ITPR2: variants seen among roughly 807,000 people sequenced by gnomAD.
ITPR2 encodes the protein inositol 1,4,5-trisphosphate-gated calcium channel ITPR2.
Under a neutral mutation model 317.1 loss-of-function variants are expected in ITPR2, and 207 were observed. The observed-to-expected ratio is 0.65, with a 90% CI of 0.58 to 0.73. The LOEUF is 0.73. Among genes scored for constraint, ITPR2 ranks in the 30% least tolerant of loss-of-function variants. The pLI, the probability that ITPR2 is intolerant of heterozygous loss-of-function variation, is 0.00. For missense variants in ITPR2, 2,613 were observed against 3,284.0 expected (o/e 0.80, Z 4.99); for synonymous variants, 1,156 against 1,149.1 (o/e 1.01, Z -0.12).
rs1942662216 is a variant in ITPR2, at chr12:26,486,248, T to C, written c.5667A>G (p.Ile1889Met). 6.2e-7 allele frequency: 1 copy of C among 1,614,202 alleles called. No individual in the cohort carries two copies. The highest frequency in any genetic ancestry group is 8.5e-7 in the Non-Finnish European group (1 of 1,180,024). The part of the protein sequence containing the change: ...CVYRREMDPE[I>M]DIMCTGPEAG... ...CTTCTGGTCCTGTGCACATAATGTC[T>C]ATTTCTGGATCCATTTCTCTTCTGT... is the stretch of plus-strand genomic sequence containing the variant. The change falls in exon 41 of 57, where the codon ATA (isoleucine) becomes ATG (methionine). Residue 1889 changes from isoleucine (I) to methionine (M), a missense_variant. By Grantham distance (10) the Ile-to-Met change is conservative (BLOSUM62 1). Transcript: ENST00000381340.
rs972999972 is a variant in ITPR2, at chr12:26,629,819, C to A, written c.2935-1657G>T. Among the ~76,000 whole-genome samples, 6 of 152,234 alleles carry A rather than the reference C, an allele frequency of 3.9e-5. No homozygotes were observed. In the East Asian group the frequency reaches 9.6e-4, roughly 24 times the overall value. On this transcript the variant is annotated intron_variant, in intron 22 of 56. Transcript: ENST00000381340. ...TTTATGCTTTTTATGGACACATCCT[C>A]CATGTCAGCTGTACTCAGCTGGTTA...
At chr12:26,469,581 A>T (rs1299673979) in intron 45 of ITPR2, among the ~76,000 whole-genome samples, 1 of 152,190 alleles carries the variant, frequency 6.6e-6, no homozygotes, top group African/African-American at 2.4e-5. Context: ...TGCGTAGCTT[A>T]TATCACCATC....
chr12:26,595,546 G>A lies in ITPR2; in HGVS notation c.4299C>T (p.Asp1433=). 1 of 1,604,432 alleles carries A rather than the reference G, an allele frequency of 6.2e-7. No homozygotes were observed. Among genetic ancestry groups the A allele is most frequent in the Non-Finnish European group, 8.5e-7 (1 of 1,176,480 alleles). Residue 1433 remains aspartate, a synonymous_variant, in exon 32 of 57, where the codon GAC becomes GAT. Transcript: ENST00000381340. ...AGATTTCTTTCATTTCCACTTCAGT[G>A]TCAACATAACAGTGATTAACAAAGT... The part of the protein sequence containing the change: ...YVNFVNHCYV[D]TEVEMKEIYT...
At chr12:26,771,048 G>A (rs1037578294) in intron 2 of ITPR2, among the ~76,000 whole-genome samples, 1 of 152,140 alleles carries the variant, frequency 6.6e-6, no homozygotes, top group Non-Finnish European at 1.5e-5. Context: ...TCTTGTACAA[G>A]GATATATAAG....
intron 39 of ITPR2, 74 bp from the exon 40 acceptor site, chr12:26,487,325 T>A (rs1340087248): frequency 1.9e-6 from 2 of 1,079,318 alleles, no homozygotes; most frequent in Non-Finnish European, 2.6e-6. Flanking sequence ...GAACTAAACA[T>A]AAGCATTATA....
intron 37 of ITPR2, among the ~76,000 whole-genome samples, chr12:26,507,403 T>C (rs16930911): frequency 0.078 from 11,878 of 152,272 alleles, 1,220 homozygotes; most frequent in East Asian, 0.46. Flanking sequence ...TATGGTCTTA[T>C]GAATGTTATT....
Position 26,688,261 on chromosome 12 carries a change from G to T in ITPR2, c.997-1629C>A, listed in dbSNP as rs11048650. On this transcript the variant is annotated intron_variant, in intron 10 of 56. Transcript: ENST00000381340. Reference sequence around the variant, plus strand: ...TCAGTATGTTGCTGAGGCTGGTCTCGAACTCTTGAGCTCAAGCGATCCTCC... The same window carrying T: ...TCAGTATGTTGCTGAGGCTGGTCTCTAACTCTTGAGCTCAAGCGATCCTCC... Among the ~76,000 whole-genome samples the T allele has an allele frequency of 2.6e-5, 4 of 152,008 alleles. No individual in the cohort carries two copies. In the South Asian group the frequency reaches 8.3e-4, roughly 32 times the overall value.
chr12:26,510,624 C>T (rs1270547591), intron 37 of ITPR2, among the ~76,000 whole-genome samples: 1 of 152,152 alleles, frequency 6.6e-6, no homozygotes, highest in Non-Finnish European at 1.5e-5. Context: ...TTCTTTGGAC[C>T]ACTTAATCTA....
chr12:26,671,810 A>T (rs1947779426), intron 13 of ITPR2, among the ~76,000 whole-genome samples: 1 of 152,218 alleles, frequency 6.6e-6, no homozygotes. Flanking sequence ...AACCTATCTC[A>T]CGTGCAGAGA....
intron 2 of ITPR2, among the ~76,000 whole-genome samples, chr12:26,757,752 A>G (rs367980090): frequency 6.6e-6 from 1 of 152,336 alleles, no homozygotes; most frequent in African/African-American, 2.4e-5. Flanking sequence ...TTTGAAATAC[A>G]TGAAAATACT....
chr12:26,547,105 T>C (rs1171902858), intron 37 of ITPR2, among the ~76,000 whole-genome samples: 1 of 151,866 alleles, frequency 6.6e-6, no homozygotes, highest in East Asian at 1.9e-4. Context: ...CTCAACAGAG[T>C]GAAGAGACAA....
chr12:26,800,863 C>T lies in ITPR2; in HGVS notation c.93-10636G>A, dbSNP rs554334430. 1.2e-4 allele frequency: 18 copies of T among 151,950 alleles called. 1 individual carries two copies. In the South Asian group the frequency reaches 1.6e-3, roughly 13 times the overall value. 9.4% of individuals were successfully genotyped at this position (151,950 alleles called of 1,614,324 possible). On this transcript the variant is annotated intron_variant, in intron 1 of 56. Coordinates refer to ENST00000381340, the MANE Select transcript of ITPR2 (RefSeq NM_002223.4). Reference sequence around the variant, plus strand: ...TAGCCATTGTGGCTATGGATGGGTTCGCCTTGGGTGGAGGCCTGGAGCTTG... The same window carrying T: ...TAGCCATTGTGGCTATGGATGGGTTTGCCTTGGGTGGAGGCCTGGAGCTTG...
intron 37 of ITPR2, among the ~76,000 whole-genome samples, chr12:26,513,742 C>G (rs1943416563): frequency 9.9e-6 from 1 of 100,974 alleles, no homozygotes; most frequent in African/African-American, 3.2e-5. Flanking sequence ...CCTTTATTGC[C>G]AATTATCACA....
At chr12:26,463,703 A>C (rs200532132) in intron 45 of ITPR2, among the ~76,000 whole-genome samples, 74,387 of 151,736 alleles carry the variant, frequency 0.49, 21,593 homozygotes, top group Non-Finnish European at 0.63. Flanking sequence ...ACAAACAAAA[A>C]AAAAACAAAT....
chr12:26,494,630 C>T (rs958634315), intron 38 of ITPR2, among the ~76,000 whole-genome samples: 1 of 151,604 alleles, frequency 6.6e-6, no homozygotes, highest in Non-Finnish European at 1.5e-5. Context: ...ATTAGCCAGG[C>T]GTGGTGGCAC....
Position 26,556,333 on chromosome 12 carries a change from G to A in ITPR2, c.4864C>T (p.Gln1622Ter). 1 of 1,613,800 alleles carries A rather than the reference G, an allele frequency of 6.2e-7. No homozygotes were observed. Among genetic ancestry groups the A allele is most frequent in the East Asian group, 2.2e-5 (1 of 44,860 alleles). Residue 1622 changes from glutamine (Q) to a stop codon, truncating the protein, a stop_gained, in exon 36 of 57, where the codon CAG (glutamine) becomes TAG (stop). Coordinates refer to ENST00000381340, the MANE Select transcript of ITPR2 (RefSeq NM_002223.4). LOFTEE classifies it high-confidence loss of function. ...SLEHQFSPMM[Q>*]AEFSVLVDVL... ...TCAACCAACACTGAGAATTCAGCCT[G>A]CATCATTGGGCTGAACTGGTGCTCC...
At chr12:26,757,924 G>A (rs1949556143) in intron 2 of ITPR2, among the ~76,000 whole-genome samples, 1 of 152,200 alleles carries the variant, frequency 6.6e-6, no homozygotes, top group African/African-American at 2.4e-5. Context: ...GGTGGAAAGG[G>A]CTGCTGTGAC....
chr12:26,674,920 T>C (rs567213817), intron 13 of ITPR2, among the ~76,000 whole-genome samples: 2 of 151,734 alleles, frequency 1.3e-5, no homozygotes, highest in South Asian at 2.1e-4. Context: ...AGAAGACATT[T>C]ATGCAGCCAA....
At chr12:26,367,430 A>G (rs1160184590) in intron 55 of ITPR2, among the ~76,000 whole-genome samples, 1 of 152,192 alleles carries the variant, frequency 6.6e-6, no homozygotes, top group Non-Finnish European at 1.5e-5. Flanking sequence ...TCTTTATTAA[A>G]GATGATGTAA....
Sources: allele counts gnomAD v4.1 joint callset (sites outside exome capture counted in the v4.1 genomes callset), GRCh38; gene constraint gnomAD v4.1.1; transcripts MANE v1.5; gene names NCBI Gene and HGNC (gene_info 2026-07-23, HGNC 2026-07-21).